Variants in MINDY2 observed in about 807,000 individuals in gnomAD.
MINDY2 encodes ubiquitin carboxyl-terminal hydrolase MINDY-2.
MINDY2 carries 52 observed loss-of-function variants against 68.2 expected under a neutral mutation model. The ratio of observed to expected loss-of-function variants is 0.76; its 90% CI spans 0.61 to 0.96. The LOEUF is 0.96. Among genes scored for constraint, MINDY2 ranks in the 40% least tolerant of loss-of-function variants. The pLI is 0.00. For synonymous variants in MINDY2, 372 were observed against 303.0 expected, an observed-to-expected ratio of 1.23 and a Z score of -2.36; for missense variants, 881 against 773.4, an observed-to-expected ratio of 1.14 and a Z score of -1.65.
At chr15:58,802,944 C>T (rs746649540) in intron 3 of MINDY2, among the ~76,000 whole-genome samples, 2 of 152,134 alleles carry the variant, frequency 1.3e-5, no homozygotes, top group Non-Finnish European at 2.9e-5. Context: ...CAGTATTCTT[C>T]CTTTACTTGG....
intron 1 of MINDY2, among the ~76,000 whole-genome samples, chr15:58,785,065 G>A (rs151075332): frequency 3.5e-5 from 5 of 142,484 alleles, no homozygotes; most frequent in Admixed American, 2.9e-4. Context: ...AGACAAAGGA[G>A]TACAAGCCTT....
intron 5 of MINDY2, among the ~76,000 whole-genome samples, chr15:58,831,195 A>T (rs911148236): frequency 1.3e-5 from 2 of 152,054 alleles, no homozygotes; most frequent in Non-Finnish European, 2.9e-5. Flanking sequence ...AAAATGGCAT[A>T]AAAAACCATT....
In MINDY2 at chr15:58,808,218, A is replaced by C. The variant is rs563039985; in HGVS notation, c.964-2012A>C. 3.1e-3 allele frequency among the ~76,000 whole-genome samples: 469 copies of C among 152,326 alleles called. 2 individuals carry two copies. Among genetic ancestry groups the C allele is most frequent in the Admixed American group, 9.5e-3 (146 of 15,290 alleles). ...TTATTATTGATAAACTGGCAATGCCACATCATTATCACCCAGAGTCTATAA... is the reference window on the plus strand; with the variant it reads ...TTATTATTGATAAACTGGCAATGCCCCATCATTATCACCCAGAGTCTATAA... On this transcript the variant is annotated intron_variant, in intron 3 of 8. Coordinates refer to ENST00000559228, the MANE Select transcript of MINDY2 (RefSeq NM_001040450.3).
At chr15:58,826,417 TG>T in intron 5 of MINDY2, among the ~76,000 whole-genome samples, 1 of 152,036 alleles carries the variant, frequency 6.6e-6, no homozygotes, top group South Asian at 2.1e-4. Context: ...TTAGTAGAGA[TG>T]GGGTTTCTCT....
intron 1 of MINDY2, among the ~76,000 whole-genome samples, chr15:58,774,642 C>T (rs1430902139): frequency 3.3e-5 from 5 of 151,480 alleles, no homozygotes; most frequent in Non-Finnish European, 7.4e-5. Flanking sequence ...GCAGAGAAAA[C>T]GGTAATTGGG....
At chr15:58,810,758 G>C (rs939295566) in intron 4 of MINDY2, among the ~76,000 whole-genome samples, 1 of 152,116 alleles carries the variant, frequency 6.6e-6, no homozygotes, top group African/African-American at 2.4e-5. Flanking sequence ...TTCATTACAG[G>C]GCAAAGATAC....
At chr15:58,813,747 AT>A (rs35800859) in intron 4 of MINDY2, among the ~76,000 whole-genome samples, 47 of 145,730 alleles carry the variant, frequency 3.2e-4, no homozygotes, top group Non-Finnish European at 2.6e-4. Flanking sequence ...TAACTTGTGT[AT>A]TTTTTTTTTT....
intron 1 of MINDY2, among the ~76,000 whole-genome samples, chr15:58,778,050 G>T (rs559939341): frequency 1.3e-5 from 2 of 152,124 alleles, no homozygotes; most frequent in African/African-American, 4.8e-5. Flanking sequence ...AAGCCAGAAG[G>T]TATATAACAT....
At chr15:58,798,661 G>T (rs1902443430) in intron 2 of MINDY2, among the ~76,000 whole-genome samples, 1 of 151,838 alleles carries the variant, frequency 6.6e-6, no homozygotes, top group Admixed American at 6.6e-5. Flanking sequence ...TCATCATCTT[G>T]GCCAGGCTGG....
intron 6 of MINDY2, among the ~76,000 whole-genome samples, chr15:58,845,435 G>A (rs2032484564): frequency 6.6e-6 from 1 of 152,038 alleles, no homozygotes. Flanking sequence ...ATGGCAGACA[G>A]GTATGTGAAA....
chr15:58,821,151 C>T (rs967608081), intron 4 of MINDY2, among the ~76,000 whole-genome samples: 2 of 151,280 alleles, frequency 1.3e-5, no homozygotes, highest in Admixed American at 1.3e-4. Context: ...GGCGCATATC[C>T]CATCCCCCAT....
At chr15:58,844,392 C>CA (rs766087273) in intron 6 of MINDY2, among the ~76,000 whole-genome samples, 90 of 145,164 alleles carry the variant, frequency 6.2e-4, no homozygotes, top group South Asian at 3.5e-3. Context: ...CTAAAAAATA[C>CA]AAAAAAAAAA....
At chr15:58,802,161 A>G (rs1902705575) in intron 2 of MINDY2, 152 bp from the exon 3 acceptor site, 4 of 603,506 alleles carry the variant, frequency 6.6e-6, no homozygotes, top group Non-Finnish European at 1.2e-5. Flanking sequence ...AAAAGTTAAC[A>G]TTGATTTTCT....
intron 1 of MINDY2, among the ~76,000 whole-genome samples, chr15:58,773,443 A>G (rs1567033891): frequency 6.6e-6 from 1 of 152,234 alleles, no homozygotes; most frequent in African/African-American, 2.4e-5. Context: ...CTGGTGCATA[A>G]TGGCACTGAG....
intron 5 of MINDY2, among the ~76,000 whole-genome samples, chr15:58,823,509 A>G (rs2031202007): frequency 6.6e-6 from 1 of 151,966 alleles, no homozygotes; most frequent in Non-Finnish European, 1.5e-5. Flanking sequence ...TCCCATCTCT[A>G]AAAAATAAAA....
intron 4 of MINDY2, among the ~76,000 whole-genome samples, chr15:58,821,223 ATACTT>A (rs1555432530): frequency 6.6e-6 from 1 of 151,746 alleles, no homozygotes; most frequent in Non-Finnish European, 1.5e-5. Context: ...TATCTCCACT[ATACTT>A]TTCTAGGAAA....
chr15:58,801,447 G>C (rs1327163764), intron 2 of MINDY2, among the ~76,000 whole-genome samples: 1 of 111,712 alleles, frequency 9.0e-6, no homozygotes, highest in Non-Finnish European at 1.8e-5. Flanking sequence ...AAAGAAAAAA[G>C]TATGTACATA....
At chr15:58,809,784 T>G (rs942313706) in intron 3 of MINDY2, among the ~76,000 whole-genome samples, 9 of 152,250 alleles carry the variant, frequency 5.9e-5, no homozygotes, top group Non-Finnish European at 1.0e-4. Context: ...TTGTCTTGTT[T>G]TGTTTCGTTT....
Position 58,861,350 on chromosome 15 carries a change from T to G in MINDY2, c.*6740T>G, listed in dbSNP as rs991620157. On this transcript the variant is annotated 3_prime_UTR_variant, in exon 9 of 9. Coordinates refer to ENST00000559228, the MANE Select transcript of MINDY2 (RefSeq NM_001040450.3). ...TTCTCAAAGCGTTTTAATATATAGA[T>G]TACGTATGAGTGCCTATTTTTTCCT... 7 of 152,212 alleles carry G rather than the reference T, an allele frequency of 4.6e-5. No homozygotes were observed. 9.4% of individuals were successfully genotyped at this position (152,212 alleles called of 1,614,324 possible).
Sources: allele counts gnomAD v4.1 joint callset (sites outside exome capture counted in the v4.1 genomes callset), GRCh38; gene constraint gnomAD v4.1.1; transcripts MANE v1.5; gene names NCBI Gene and HGNC (gene_info 2026-07-23, HGNC 2026-07-21).